Variants in PRLR observed in about 807,000 individuals in gnomAD.
PRLR encodes the protein prolactin receptor.
PRLR carries 13 observed loss-of-function variants against 40.2 expected under a neutral mutation model. The observed-to-expected ratio is 0.32, with a 90% CI of 0.21 to 0.51. The LOEUF (loss-of-function observed/expected upper bound fraction) is 0.51. Among genes scored for constraint, PRLR ranks in the 20% least tolerant of loss-of-function variants. The pLI is 0.97. For synonymous variants in PRLR, 269 were observed against 278.7 expected (o/e 0.97, Z 0.35); for missense variants, 656 against 747.3 (o/e 0.88, Z 1.42).
At chr5:35,197,763 C>T (rs1579792932) in intron 1 of PRLR, among the ~76,000 whole-genome samples, 1 of 152,248 alleles carries the variant, frequency 6.6e-6, no homozygotes, top group Non-Finnish European at 1.5e-5. Flanking sequence ...TCAGATCATG[C>T]ACCTCAGTAT....
chr5:35,187,723 T>C (rs578199085), intron 1 of PRLR, among the ~76,000 whole-genome samples: 1 of 152,328 alleles, frequency 6.6e-6, no homozygotes, highest in African/African-American at 2.4e-5. Flanking sequence ...ACCACTTGTC[T>C]GAAGCCGCAT....
intron 1 of PRLR, among the ~76,000 whole-genome samples, chr5:35,183,727 T>C (rs1775352392): frequency 6.6e-6 from 1 of 152,164 alleles, no homozygotes; most frequent in South Asian, 2.1e-4. Context: ...TCATTTGTGG[T>C]TGGCTGCAGA....
rs1434203953 is a variant in PRLR at position 35,060,413 on chromosome 5, C to T, written c.*4676G>A. ...TTTCTCTGAAGCGTTGTCACACAAT[C>T]TCATGTGCTCACTGCTTCAGGCCAA... On this transcript the variant is annotated 3_prime_UTR_variant, in exon 10 of 10. Transcript: ENST00000618457. The T allele has an allele frequency of 6.6e-6, 1 of 152,198 alleles. No individual in the cohort carries two copies. The highest frequency in any genetic ancestry group is 1.5e-5 in the Non-Finnish European group (1 of 68,040). The allele number at this position is 152,198 out of a possible 1,614,324, so 9.4% of individuals were successfully genotyped here. A position where few individuals can be genotyped will look rare whatever the true frequency, so the allele number is the denominator to read the frequency against.
chr5:35,186,696 G>A (rs1225857785), intron 1 of PRLR, among the ~76,000 whole-genome samples: 4 of 152,128 alleles, frequency 2.6e-5, no homozygotes, highest in Non-Finnish European at 5.9e-5. Context: ...AGCAGAGGCA[G>A]CTACCACCCC....
rs754451805 is a variant in PRLR at position 35,104,615 on chromosome 5, G to A, written c.-44+13446C>T. ...GAGGGTCCTATGCCCACGGAGCCTC[G>A]CTCACTGCTAGCACAGCAGTCTGAG... On this transcript the variant is annotated intron_variant, in intron 2 of 9. Transcript: ENST00000618457. Among the ~76,000 whole-genome samples the A allele has an allele frequency of 3.3e-5, 5 of 152,098 alleles. No individual in the cohort carries two copies. The East Asian group carries it at 7.7e-4, about 23-fold the overall frequency.
intron 1 of PRLR, among the ~76,000 whole-genome samples, chr5:35,150,739 T>C (rs1298538919): frequency 1.3e-5 from 2 of 151,966 alleles, no homozygotes; most frequent in Non-Finnish European, 2.9e-5. Flanking sequence ...AATGGGACCA[T>C]AGGAGGTAAG....
At chr5:35,157,464 CCT>C (rs1195159098) in intron 1 of PRLR, among the ~76,000 whole-genome samples, 3 of 152,172 alleles carry the variant, frequency 2.0e-5, no homozygotes, top group Non-Finnish European at 2.9e-5. Context: ...GACTTGCCCT[CCT>C]CCCTTAACAG....
At chr5:35,089,519 A>G in intron 3 of PRLR, 32 bp downstream of exon 3, 1 of 1,482,212 alleles carries the variant, frequency 6.7e-7, no homozygotes, top group African/African-American at 1.4e-5. Context: ...CACCCCAGGC[A>G]ATGAAAGAGA....
At chr5:35,073,105 G>A (rs1769858644) in intron 5 of PRLR, among the ~76,000 whole-genome samples, 1 of 152,174 alleles carries the variant, frequency 6.6e-6, no homozygotes, top group Admixed American at 6.5e-5. Flanking sequence ...GAAGACTATA[G>A]GGAAAGAGAT....
At chr5:35,209,871 C>T (rs1776125391) in intron 1 of PRLR, among the ~76,000 whole-genome samples, 1 of 152,204 alleles carries the variant, frequency 6.6e-6, no homozygotes, top group Admixed American at 6.5e-5. Flanking sequence ...AGTCTATAGG[C>T]ATCTACTCTG....
intron 1 of PRLR, among the ~76,000 whole-genome samples, chr5:35,187,351 A>C (rs896007351): frequency 6.6e-6 from 1 of 151,896 alleles, no homozygotes; most frequent in African/African-American, 2.4e-5. Context: ...TAGTGAGCCG[A>C]GATCACGCCA....
At position 35,068,816 on chromosome 5, in the gene PRLR, A is replaced by G. The variant is rs1769552401; in HGVS notation, c.748T>C (p.Leu250=). ...SVAVLSAVIC[L]IIVWAVALKG... ...AAAGCCACTGCCCAGACAATAATCA[A>G]ACAGATGACAGCAGAAAGGACAGCC... The change falls in exon 8 of 10, where the codon TTG becomes CTG. Residue 250 remains leucine, a synonymous_variant. Coordinates refer to ENST00000618457, the MANE Select transcript of PRLR (RefSeq NM_000949.7). The G allele has an allele frequency of 6.2e-7, 1 of 1,612,976 alleles. No homozygotes were observed. The highest frequency in any genetic ancestry group is 8.5e-7 in the Non-Finnish European group (1 of 1,179,190).
intron 5 of PRLR, among the ~76,000 whole-genome samples, 156 bp from the exon 6 acceptor site, chr5:35,072,900 C>G (rs953473947): frequency 1.3e-5 from 2 of 152,214 alleles, no homozygotes; most frequent in Non-Finnish European, 2.9e-5. Flanking sequence ...TCTTCTACCT[C>G]TTAGTATGTG....
At chr5:35,213,887 C>T (rs1385516107) in intron 1 of PRLR, among the ~76,000 whole-genome samples, 1 of 152,180 alleles carries the variant, frequency 6.6e-6, no homozygotes, top group Non-Finnish European at 1.5e-5. Flanking sequence ...TGCCTGGGGC[C>T]CAGTTCCTGC....
At chr5:35,159,859 A>T (rs1579746932) in intron 1 of PRLR, among the ~76,000 whole-genome samples, 2 of 152,352 alleles carry the variant, frequency 1.3e-5, no homozygotes, top group African/African-American at 4.8e-5. Flanking sequence ...CATTTGTCAG[A>T]AGGAATTCTT....
At chr5:35,107,880 C>T (rs944676644) in intron 2 of PRLR, among the ~76,000 whole-genome samples, 7 of 152,170 alleles carry the variant, frequency 4.6e-5, no homozygotes. Context: ...TTCATGAGGC[C>T]AGCATCATCC....
At chr5:35,215,450 A>G (rs1286006075) in intron 1 of PRLR, among the ~76,000 whole-genome samples, 1 of 152,028 alleles carries the variant, frequency 6.6e-6, no homozygotes, top group Non-Finnish European at 1.5e-5. Flanking sequence ...GATAGTAATT[A>G]CTCCCATGAA....
intron 8 of PRLR, 113 bp downstream of exon 8, chr5:35,068,666 C>A: frequency 1.2e-6 from 1 of 863,704 alleles, no homozygotes; most frequent in Non-Finnish European, 1.8e-6. Flanking sequence ...CACACTACAT[C>A]TAATGGCTAA....
At chr5:35,068,392 G>T (rs1416014683) in intron 8 of PRLR, 107 bp from the exon 9 acceptor site, 5 of 932,304 alleles carry the variant, frequency 5.4e-6, no homozygotes, top group Non-Finnish European at 8.6e-6. Context: ...GATAGGACTT[G>T]GTTTGGCAGC....
Sources: gnomAD v4.1 joint callset for allele counts (sites outside exome capture counted in the v4.1 genomes callset) on GRCh38, gnomAD v4.1.1 for gene constraint, MANE v1.5 for transcripts, NCBI Gene and HGNC (gene_info 2026-07-23, HGNC 2026-07-21) for gene names.